TNKS: variants seen among roughly 807,000 people sequenced by gnomAD.
TNKS encodes the protein tankyrase, also known as poly [ADP-ribose] polymerase tankyrase-1.
Under a neutral mutation model 135.8 loss-of-function variants are expected in TNKS, and 72 were observed. The ratio of observed to expected loss-of-function variants is 0.53; its 90% CI spans 0.44 to 0.64. TNKS has a LOEUF of 0.64. Ranked by LOEUF, TNKS falls within the 30% of genes least tolerant of loss-of-function variation. The probability of loss-of-function intolerance (pLI) is 0.00; values close to 1 mark genes in which losing one functional copy is unlikely to be tolerated. For missense variants in TNKS, 1,769 were observed against 1,674.0 expected (o/e 1.06, Z -0.99); for synonymous variants, 849 against 649.3 (o/e 1.31, Z -4.68).
intron 2 of TNKS, among the ~76,000 whole-genome samples, chr8:9,599,079 A>T (rs1798918112): frequency 6.6e-6 from 1 of 151,990 alleles, no homozygotes; most frequent in South Asian, 2.1e-4. Context: ...TTGTAGAGAT[A>T]CTTGCTTTAT....
chr8:9,601,934 C>T (rs923363083), intron 2 of TNKS, among the ~76,000 whole-genome samples: 3 of 152,056 alleles, frequency 2.0e-5, no homozygotes, highest in Non-Finnish European at 2.9e-5. Context: ...CGTTCAGAGG[C>T]CCGGGAGAAG....
At chr8:9,678,035 C>A (rs1444754865) in intron 3 of TNKS, among the ~76,000 whole-genome samples, 1 of 152,150 alleles carries the variant, frequency 6.6e-6, no homozygotes, top group Non-Finnish European at 1.5e-5. Flanking sequence ...GGTAAGCTCT[C>A]TAACATTTCA....
chr8:9,773,751 T>G (rs1808075512), intron 26 of TNKS, among the ~76,000 whole-genome samples: 1 of 152,120 alleles, frequency 6.6e-6, no homozygotes, highest in Non-Finnish European at 1.5e-5. Context: ...AATAAAAAAA[T>G]GCACTCAGCA....
intron 3 of TNKS, among the ~76,000 whole-genome samples, chr8:9,616,648 A>C (rs1799656235): frequency 1.3e-5 from 2 of 152,166 alleles, no homozygotes; most frequent in African/African-American, 4.8e-5. Flanking sequence ...AATCTATGGA[A>C]TTTTGCTTAA....
chr8:9,735,528 C>A (rs772623999), intron 17 of TNKS, 42 bp downstream of exon 17: 5 of 1,501,360 alleles, frequency 3.3e-6, no homozygotes, highest in East Asian at 2.3e-5. Context: ...TGACCGCACG[C>A]GGTGGCTCAC....
chr8:9,656,513 G>A (rs1801375271), intron 3 of TNKS, among the ~76,000 whole-genome samples: 1 of 152,100 alleles, frequency 6.6e-6, no homozygotes, highest in Non-Finnish European at 1.5e-5. Flanking sequence ...ACCCACAAAG[G>A]GAAGCCCATC....
At chr8:9,583,813 C>T (rs1798262334) in intron 2 of TNKS, among the ~76,000 whole-genome samples, 1 of 151,130 alleles carries the variant, frequency 6.6e-6, no homozygotes, top group African/African-American at 2.4e-5. Context: ...ACTGTTAGTG[C>T]TTGAGAATTT....
intron 26 of TNKS, 75 bp from the exon 27 acceptor site, chr8:9,776,575 G>A (rs764229615): frequency 1.4e-6 from 2 of 1,386,286 alleles, no homozygotes; most frequent in Admixed American, 1.7e-5. Context: ...CAGCCTTTGA[G>A]GCTTCCACAT....
chr8:9,694,746 A>G lies in TNKS; in HGVS notation c.1108-9917A>G, dbSNP rs559117323. On this transcript the variant is annotated intron_variant, in intron 5 of 26. Transcript: ENST00000310430. ...CACTGCGCTCCAGCCTGGGCAACAG[A>G]GCGAGACTCTGTCTCAAAAAAAAAA... 5.3e-5 allele frequency among the ~76,000 whole-genome samples: 7 copies of G among 132,890 alleles called. No individual in the cohort carries two copies. In the South Asian group the frequency reaches 1.9e-3, roughly 35 times the overall value. 87.2% of individuals were successfully genotyped at this position (132,890 alleles called of 152,430 possible). A position where few individuals can be genotyped will look rare whatever the true frequency, so the allele number is the denominator to read the frequency against.
intron 3 of TNKS, among the ~76,000 whole-genome samples, chr8:9,616,337 T>C (rs1799644408): frequency 6.6e-6 from 1 of 152,232 alleles, no homozygotes; most frequent in African/African-American, 2.4e-5. Flanking sequence ...AGTGTTTTCA[T>C]TGATCTGCAT....
intron 11 of TNKS, among the ~76,000 whole-genome samples, chr8:9,712,631 C>T (rs895294974): frequency 2.0e-5 from 3 of 151,926 alleles, no homozygotes; most frequent in Admixed American, 2.0e-4. Flanking sequence ...TAGCCTATGC[C>T]TTAATCCCAG....
intron 3 of TNKS, among the ~76,000 whole-genome samples, chr8:9,636,199 A>C (rs974311700): frequency 3.9e-5 from 6 of 152,212 alleles, no homozygotes; most frequent in Non-Finnish European, 7.4e-5. Context: ...GATGATTATA[A>C]GTAGGTGAGA....
chr8:9,621,369 G>T (rs1585241120), intron 3 of TNKS, among the ~76,000 whole-genome samples: 1 of 150,458 alleles, frequency 6.6e-6, no homozygotes, highest in African/African-American at 2.4e-5. Flanking sequence ...CAATGGTGCA[G>T]TCTCGGCTCA....
chr8:9,697,581 A>G (rs1225944868), intron 5 of TNKS, among the ~76,000 whole-genome samples: 1 of 152,196 alleles, frequency 6.6e-6, no homozygotes, highest in African/African-American at 2.4e-5. Flanking sequence ...ATCTATAAGG[A>G]ACTTAATTCA....
intron 1 of TNKS, among the ~76,000 whole-genome samples, chr8:9,565,729 C>T (rs56784931): frequency 0.013 from 1,948 of 152,038 alleles, 36 homozygotes; most frequent in African/African-American, 0.044. Context: ...TGGTGGCGGG[C>T]GCCTGTTGTC....
chr8:9,639,812 A>G (rs1351708845), intron 3 of TNKS, among the ~76,000 whole-genome samples: 2 of 152,128 alleles, frequency 1.3e-5, no homozygotes, highest in Non-Finnish European at 2.9e-5. Flanking sequence ...TTCTTTGAGT[A>G]TTTGCAGCTC....
chr8:9,577,602 C>G (rs1036642495), intron 1 of TNKS, among the ~76,000 whole-genome samples: 13 of 152,136 alleles, frequency 8.5e-5, no homozygotes, highest in East Asian at 5.8e-4. Context: ...TGAGAACTCA[C>G]TATTACGAGA....
intron 3 of TNKS, among the ~76,000 whole-genome samples, chr8:9,656,390 C>T (rs1476962298): frequency 5.9e-5 from 9 of 152,062 alleles, no homozygotes; most frequent in Admixed American, 5.2e-4. Context: ...ATACAGAGAA[C>T]TCCACAAAGA....
At chr8:9,670,461 A>T (rs1016104779) in intron 3 of TNKS, among the ~76,000 whole-genome samples, 5 of 152,208 alleles carry the variant, frequency 3.3e-5, no homozygotes, top group Non-Finnish European at 5.9e-5. Flanking sequence ...GAATATATTT[A>T]ATCCCATCCC....
Sources: gnomAD v4.1 joint callset for allele counts (sites outside exome capture counted in the v4.1 genomes callset) on GRCh38, gnomAD v4.1.1 for gene constraint, MANE v1.5 for transcripts, NCBI Gene and HGNC (gene_info 2026-07-23, HGNC 2026-07-21) for gene names.